The following DMD variants were observed in gnomAD, a reference collection of about 807,000 sequenced individuals.
DMD encodes dystrophin.
Under a neutral mutation model 330.1 loss-of-function variants are expected in DMD, and 63 were observed. The observed-to-expected ratio is 0.19, with a 90% CI of 0.16 to 0.24. The LOEUF (loss-of-function observed/expected upper bound fraction) is 0.24, where lower values mean the gene tolerates loss of function less well. Ranked by LOEUF, DMD falls within the 10% of genes least tolerant of loss-of-function variation. The pLI is 1.00. For synonymous variants in DMD, 1,223 were observed against 959.8 expected (o/e 1.27, Z -5.07); for missense variants, 3,344 against 2,684.1 (o/e 1.25, Z -5.43).
At chrX:31,879,568 A>T (rs775268718) in intron 47 of DMD, among the ~76,000 whole-genome samples, 78 of 112,407 alleles carry the variant, frequency 6.9e-4, no homozygotes, top group Admixed American at 2.2e-3. Context: ...GCATATTTTA[A>T]TAATGAATCA....
chrX:32,066,570 C>G (rs977308416), intron 44 of DMD, among the ~76,000 whole-genome samples: 1 of 111,454 alleles, frequency 9.0e-6, no homozygotes, highest in African/African-American at 3.3e-5. Context: ...CTAGCCTCAT[C>G]TCGTCCCTAC....
intron 48 of DMD, among the ~76,000 whole-genome samples, chrX:31,843,914 C>A (rs753626491): frequency 2.2e-5 from 2 of 89,202 alleles, no homozygotes; most frequent in African/African-American, 9.7e-5. Flanking sequence ...AGTGCAGTGG[C>A]GCAGTGCAAT....
chrX:32,271,111 G>A (rs1374269164), intron 43 of DMD, among the ~76,000 whole-genome samples: 1 of 111,421 alleles, frequency 9.0e-6, no homozygotes, highest in Non-Finnish European at 1.9e-5. Flanking sequence ...TCAAAACAAA[G>A]GACACAGACT....
intron 60 of DMD, among the ~76,000 whole-genome samples, chrX:31,434,741 A>T (rs1207114755): frequency 1.8e-5 from 2 of 110,989 alleles, no homozygotes. Flanking sequence ...TGATGATTCA[A>T]CCCTCTTGGT....
intron 43 of DMD, among the ~76,000 whole-genome samples, chrX:32,225,048 T>C (rs779290599): frequency 8.9e-6 from 1 of 112,158 alleles, no homozygotes; most frequent in East Asian, 2.8e-4. Context: ...CTAGGATGTG[T>C]TCCCCTCAAA....
At chrX:31,921,701 A>C (rs760925026) in intron 47 of DMD, among the ~76,000 whole-genome samples, 1 of 111,918 alleles carries the variant, frequency 8.9e-6, no homozygotes, top group South Asian at 3.7e-4. Context: ...CCCATTTACT[A>C]CCTCATTGAA....
chrX:32,987,218 G>T (rs1408953832), intron 2 of DMD, among the ~76,000 whole-genome samples: 3 of 111,981 alleles, frequency 2.7e-5, no homozygotes, highest in Non-Finnish European at 5.6e-5. Context: ...TGATCTAGCA[G>T]GACTGTGACA....
chrX:31,238,480 C>A lies in DMD; in HGVS notation c.9287-15359G>T, dbSNP rs184528043. On this transcript the variant is annotated intron_variant, in intron 63 of 78. Coordinates refer to ENST00000357033, the MANE Select transcript of DMD (RefSeq NM_004006.3). ...GAGCCAAAGAGAAAAACGGAAGTGA[C>A]AGGCCGATGGCAGAAGGAATACTAA... Among the ~76,000 whole-genome samples, 413 of 112,027 alleles carry A rather than the reference C, an allele frequency of 3.7e-3. 1 individual carries two copies. Among genetic ancestry groups the A allele is most frequent in the Non-Finnish European group, 5.2e-3 (278 of 53,201 alleles).
In DMD at chrX:32,939,464, T is replaced by C. The variant is rs1023080878; in HGVS notation, c.93+80675A>G. ...GAGCTACCTATTCTTTTTCCTTTCC[T>C]TTTAGTCCCTCCTTACACGTCAGTA... On this transcript the variant is annotated intron_variant, in intron 2 of 78. Coordinates refer to ENST00000357033, the MANE Select transcript of DMD (RefSeq NM_004006.3). Among the ~76,000 whole-genome samples, 8 of 110,985 alleles carry C rather than the reference T, an allele frequency of 7.2e-5. No homozygotes were observed. In the East Asian group the frequency reaches 2.0e-3, roughly 27 times the overall value.
intron 16 of DMD, among the ~76,000 whole-genome samples, chrX:32,554,078 T>C (rs2573323): frequency 0.2 from 22,162 of 111,512 alleles, 1,743 homozygotes; most frequent in East Asian, 0.42. Flanking sequence ...CTGCAGTTCT[T>C]TGAAACTAAT....
At chrX:31,597,472 A>G (rs2077160255) in intron 55 of DMD, among the ~76,000 whole-genome samples, 1 of 111,758 alleles carries the variant, frequency 8.9e-6, no homozygotes, top group Non-Finnish European at 1.9e-5. Context: ...AGTTGGAAAG[A>G]TAAGATTTAA....
intron 65 of DMD, among the ~76,000 whole-genome samples, chrX:31,208,211 A>G (rs2044283262): frequency 9.0e-6 from 1 of 111,457 alleles, no homozygotes; most frequent in Non-Finnish European, 1.9e-5. Flanking sequence ...AAATTTATTA[A>G]ATCCCTCAGT....
intron 43 of DMD, among the ~76,000 whole-genome samples, chrX:32,264,833 CAA>C (rs768672764): frequency 9.0e-6 from 1 of 111,731 alleles, no homozygotes; most frequent in Non-Finnish European, 1.9e-5. Flanking sequence ...TTCTAAACAG[CAA>C]AGTGTTCAAG....
rs763844939 is a variant in DMD, at chrX:32,501,770, C to T, written c.2365G>A (p.Glu789Lys). ...DASRSAQALV[E>K]QMVNEGVNAD... ...GTGTAATTACCATTCACCATCTGTT[C>T]CACCAGGGCCTGAGCTGATCTGCTG... The change falls in exon 19 of 79, where the codon GAA becomes AAA. Residue 789 changes from glutamate (E) to lysine (K), a missense_variant. Physicochemically the swap from Glu to Lys is moderately conservative, Grantham distance 56. Transcript: ENST00000357033. 5 of 1,206,345 alleles carry T rather than the reference C, an allele frequency of 4.1e-6. No homozygotes were observed. Among genetic ancestry groups the T allele is most frequent in the Middle Eastern group, 2.3e-4 (1 of 4,342 alleles).
intron 22 of DMD, among the ~76,000 whole-genome samples, chrX:32,469,016 T>C (rs1027562491): frequency 3.6e-5 from 4 of 111,006 alleles, no homozygotes; most frequent in African/African-American, 9.8e-5. Context: ...GAATTAAGTA[T>C]ATATATTAAT....
chrX:32,590,488 G>A (rs1291600950), intron 13 of DMD, among the ~76,000 whole-genome samples: 1 of 111,464 alleles, frequency 9.0e-6, no homozygotes, highest in Non-Finnish European at 1.9e-5. Flanking sequence ...CAGTGGACTG[G>A]GAGAGGAAGG....
chrX:32,196,723 C>G (rs766072191), intron 44 of DMD, among the ~76,000 whole-genome samples: 1 of 110,774 alleles, frequency 9.0e-6, no homozygotes, highest in South Asian at 3.8e-4. Flanking sequence ...CGGTGGCTCA[C>G]GCCTGTAATC....
chrX:32,479,034 C>T (rs1026399444), intron 21 of DMD, among the ~76,000 whole-genome samples: 1 of 111,535 alleles, frequency 9.0e-6, no homozygotes, highest in Non-Finnish European at 1.9e-5. Flanking sequence ...TACCACACTA[C>T]AGAAATATTT....
At chrX:31,268,520 G>T (rs1184082764) in intron 62 of DMD, among the ~76,000 whole-genome samples, 1 of 111,786 alleles carries the variant, frequency 8.9e-6, no homozygotes, top group African/African-American at 3.3e-5. Context: ...GAGTTGTGGA[G>T]GCAGCTGCTA....
Sources: allele counts gnomAD v4.1 joint callset (sites outside exome capture counted in the v4.1 genomes callset), GRCh38; gene constraint gnomAD v4.1.1; transcripts MANE v1.5; gene names NCBI Gene and HGNC (gene_info 2026-07-23, HGNC 2026-07-21).